Variants in ELOC observed in about 807,000 individuals in gnomAD.
ELOC encodes the protein elongin C.
For missense variants in ELOC, 38 were observed against 139.0 expected (o/e 0.27, Z 3.65); for synonymous variants, 40 against 51.3 (o/e 0.78, Z 0.94).
chr8:73,951,140 G>A (rs932087210), intron 3 of ELOC, among the ~76,000 whole-genome samples: 3 of 152,118 alleles, frequency 2.0e-5, no homozygotes, highest in Admixed American at 1.3e-4. Context: ...GCGTGGTGGC[G>A]GCATGCCTGT....
At chr8:73,953,721 T>G (rs1248671082) in intron 3 of ELOC, among the ~76,000 whole-genome samples, 2 of 150,814 alleles carry the variant, frequency 1.3e-5, no homozygotes, top group African/African-American at 4.9e-5. Context: ...GTATACAAAC[T>G]GGAACCCTAG....
At chr8:73,947,260 T>C (rs1450269354) in intron 3 of ELOC, among the ~76,000 whole-genome samples, 1 of 152,024 alleles carries the variant, frequency 6.6e-6, no homozygotes, top group East Asian at 1.9e-4. Context: ...GTGCTGGGAT[T>C]ACAGGCATGA....
chr8:73,954,009 A>G (rs903617472), intron 3 of ELOC, among the ~76,000 whole-genome samples: 1 of 152,270 alleles, frequency 6.6e-6, no homozygotes, highest in African/African-American at 2.4e-5. Flanking sequence ...TTATTCAGCC[A>G]TAAAAAAGAA....
chr8:73,963,289 T>G (rs112948050), intron 1 of ELOC, among the ~76,000 whole-genome samples: 10 of 152,330 alleles, frequency 6.6e-5, no homozygotes, highest in African/African-American at 2.2e-4. Flanking sequence ...ATCCTTTGAT[T>G]TGAAATATTA....
chr8:73,963,288 T>A (rs1255062104), intron 1 of ELOC, among the ~76,000 whole-genome samples: 1 of 152,208 alleles, frequency 6.6e-6, no homozygotes, highest in Non-Finnish European at 1.5e-5. Flanking sequence ...TATCCTTTGA[T>A]TTGAAATATT....
chr8:73,952,590 C>G (rs1188147184), intron 3 of ELOC, among the ~76,000 whole-genome samples: 2 of 150,478 alleles, frequency 1.3e-5, no homozygotes, highest in Non-Finnish European at 3.0e-5. Flanking sequence ...ACCTTCCCGG[C>G]TAACACAGTG....
At chr8:73,959,573 C>A (rs553238966) in intron 2 of ELOC, among the ~76,000 whole-genome samples, 192 bp downstream of exon 2, 1 of 152,300 alleles carries the variant, frequency 6.6e-6, no homozygotes, top group South Asian at 2.1e-4. Flanking sequence ...GAAACCATGT[C>A]ACACATGTGG....
intron 1 of ELOC, among the ~76,000 whole-genome samples, chr8:73,962,237 G>C (rs1430198009): frequency 6.6e-6 from 1 of 152,126 alleles, no homozygotes; most frequent in Non-Finnish European, 1.5e-5. Context: ...GAATTATTCT[G>C]ATTTTAGAGA....
At chr8:73,962,407 T>A (rs1003076947) in intron 1 of ELOC, among the ~76,000 whole-genome samples, 4 of 152,192 alleles carry the variant, frequency 2.6e-5, no homozygotes, top group Admixed American at 2.0e-4. Flanking sequence ...CAGTTAAACT[T>A]AATTGCCACA....
chr8:73,965,901 C>G (rs1422993756), intron 1 of ELOC, among the ~76,000 whole-genome samples: 2 of 151,950 alleles, frequency 1.3e-5, no homozygotes, highest in Admixed American at 6.6e-5. Flanking sequence ...TATGAGACTA[C>G]AAATCTACAA....
At chr8:73,963,945 T>C (rs1309282143) in intron 1 of ELOC, among the ~76,000 whole-genome samples, 2 of 151,738 alleles carry the variant, frequency 1.3e-5, no homozygotes, top group East Asian at 3.9e-4. Flanking sequence ...ATACAATAAT[T>C]AGCTGGGTGT....
intron 1 of ELOC, among the ~76,000 whole-genome samples, chr8:73,960,353 T>C (rs182526505): frequency 6.6e-6 from 1 of 152,290 alleles, no homozygotes; most frequent in African/African-American, 2.4e-5. Context: ...CTCTAAATCC[T>C]TGGAATTTCC....
At chr8:73,962,020 C>T (rs1814640233) in intron 1 of ELOC, among the ~76,000 whole-genome samples, 2 of 152,022 alleles carry the variant, frequency 1.3e-5, no homozygotes, top group East Asian at 1.9e-4. Flanking sequence ...CTCAGCCTCC[C>T]GAGTAGCTGG....
chr8:73,954,630 C>T lies in ELOC; in HGVS notation c.148+1281G>A, dbSNP rs552244309. 4.5e-3 allele frequency among the ~76,000 whole-genome samples: 609 copies of T among 136,496 alleles called. 3 individuals are homozygous for T. Among genetic ancestry groups the T allele is most frequent in the Non-Finnish European group, 7.3e-3 (468 of 64,284 alleles). The allele number at this position is 136,496 out of a possible 152,430, so 89.5% of individuals were successfully genotyped here. A position where few individuals can be genotyped will look rare whatever the true frequency, so the allele number is the denominator to read the frequency against. On this transcript the variant is annotated intron_variant, in intron 3 of 3. Transcript: ENST00000520242. ...TCGTGCCACTGCACTCCAGCCTGGG[C>T]GGCAGAGCAAGACTCCGTCTCAAAA...
Position 73,968,439 on chromosome 8 carries a change from C to G in ELOC, c.-51+3638G>C, listed in dbSNP as rs145014224. Among the ~76,000 whole-genome samples, 1,297 of 152,298 alleles carry G rather than the reference C, an allele frequency of 8.5e-3. 14 individuals carry two copies. Among genetic ancestry groups the G allele is most frequent in the African/African-American group, 0.027 (1,131 of 41,562 alleles). ...CCTGCAAACGACCTAATTATTCTCT[C>G]AAATAATATCTCCAAACTCCCTTGT... On this transcript the variant is annotated intron_variant, in intron 1 of 3. Coordinates refer to ENST00000520242, the MANE Select transcript of ELOC (RefSeq NM_005648.4).
chr8:73,951,374 G>A (rs1026418606), intron 3 of ELOC, among the ~76,000 whole-genome samples: 1 of 151,974 alleles, frequency 6.6e-6, no homozygotes, highest in African/African-American at 2.4e-5. Flanking sequence ...TAAAAACATA[G>A]AAGAATTGTG....
At chr8:73,958,092 GTTTT>G (rs34797762) in intron 2 of ELOC, among the ~76,000 whole-genome samples, 302 of 134,100 alleles carry the variant, frequency 2.3e-3, no homozygotes, top group African/African-American at 8.0e-3. Flanking sequence ...TTTATTTATG[GTTTT>G]TTTTTTTTTT....
At chr8:73,947,566 T>G (rs1483750639) in intron 3 of ELOC, among the ~76,000 whole-genome samples, 1 of 152,110 alleles carries the variant, frequency 6.6e-6, no homozygotes, top group Non-Finnish European at 1.5e-5. Flanking sequence ...TTTTTTAGTA[T>G]TAACCTAAGT....
intron 1 of ELOC, among the ~76,000 whole-genome samples, chr8:73,962,381 T>TA (rs1459435874): frequency 1.3e-5 from 2 of 152,132 alleles, no homozygotes; most frequent in African/African-American, 2.4e-5. Context: ...ACTACCACAG[T>TA]AAAAAATTCT....
Sources: allele counts gnomAD v4.1 joint callset (sites outside exome capture counted in the v4.1 genomes callset), GRCh38; gene constraint gnomAD v4.1.1; transcripts MANE v1.5; gene names NCBI Gene and HGNC (gene_info 2026-07-23, HGNC 2026-07-21).